TRPC4: variants seen among roughly 807,000 people sequenced by gnomAD.
The protein encoded by TRPC4 is short transient receptor potential channel 4.
Under a neutral mutation model 99.4 loss-of-function variants are expected in TRPC4, and 49 were observed. That is an observed-to-expected ratio of 0.49 (90% confidence interval 0.39 to 0.63). The LOEUF (loss-of-function observed/expected upper bound fraction) is 0.63, where lower values mean the gene tolerates loss of function less well. TRPC4 is among the 20% of genes least tolerant of loss of function. The pLI, the probability that TRPC4 is intolerant of heterozygous loss-of-function variation, is 0.00. For synonymous variants in TRPC4, 454 were observed against 425.9 expected, an observed-to-expected ratio of 1.07 and a Z score of -0.81; for missense variants, 898 against 1,152.9, an observed-to-expected ratio of 0.78 and a Z score of 3.20.
intron 4 of TRPC4, among the ~76,000 whole-genome samples, chr13:37,680,559 G>A (rs1953203541): frequency 1.3e-5 from 2 of 152,160 alleles, no homozygotes; most frequent in South Asian, 4.1e-4. Context: ...CATCACAATC[G>A]CTGCCATGAG....
At chr13:37,663,879 G>T in intron 5 of TRPC4, 150 bp from the exon 6 acceptor site, 1 of 668,732 alleles carries the variant, frequency 1.5e-6, no homozygotes, top group Non-Finnish European at 2.5e-6. Flanking sequence ...CAATTCTAGA[G>T]GAACACATGT....
intron 3 of TRPC4, among the ~76,000 whole-genome samples, chr13:37,737,038 C>A (rs926553048): frequency 1.3e-5 from 2 of 151,554 alleles, no homozygotes; most frequent in African/African-American, 4.8e-5. Context: ...CAGCCAACTT[C>A]TTTTTGATAT....
chr13:37,822,459 C>G (rs976964680), intron 1 of TRPC4, among the ~76,000 whole-genome samples: 3 of 146,852 alleles, frequency 2.0e-5, no homozygotes, highest in Non-Finnish European at 3.0e-5. Context: ...TGTGATGTTC[C>G]CCCTCCTGTG....
chr13:37,845,133 G>T (rs1373463883), intron 1 of TRPC4, among the ~76,000 whole-genome samples: 1 of 152,112 alleles, frequency 6.6e-6, no homozygotes, highest in Non-Finnish European at 1.5e-5. Flanking sequence ...CCAACCTTAA[G>T]GTCTGTTTGG....
chr13:37,676,063 C>T (rs999587831), intron 4 of TRPC4, among the ~76,000 whole-genome samples: 1 of 152,114 alleles, frequency 6.6e-6, no homozygotes, highest in Non-Finnish European at 1.5e-5. Flanking sequence ...TGCCTCAAAC[C>T]TCTACACTAA....
chr13:37,711,491 T>C (rs1954483456), intron 3 of TRPC4, among the ~76,000 whole-genome samples: 2 of 151,986 alleles, frequency 1.3e-5, no homozygotes, highest in South Asian at 2.1e-4. Context: ...CTGAATTCTG[T>C]TACATTTAAA....
intron 2 of TRPC4, among the ~76,000 whole-genome samples, chr13:37,769,605 T>G (rs1956491967): frequency 6.6e-6 from 1 of 151,496 alleles, no homozygotes; most frequent in African/African-American, 2.4e-5. Flanking sequence ...TTTTCCTGAC[T>G]TTTAGACAAC....
intron 1 of TRPC4, among the ~76,000 whole-genome samples, chr13:37,825,800 A>G (rs1958186974): frequency 6.6e-6 from 1 of 151,842 alleles, no homozygotes; most frequent in African/African-American, 2.4e-5. Flanking sequence ...CACTTGGTGC[A>G]GAGCTGAGTT....
intron 3 of TRPC4, among the ~76,000 whole-genome samples, chr13:37,724,308 T>C (rs1457689037): frequency 6.6e-6 from 1 of 152,170 alleles, no homozygotes; most frequent in Non-Finnish European, 1.5e-5. Flanking sequence ...TGCAGATATC[T>C]GGTTTTGGAG....
intron 6 of TRPC4, among the ~76,000 whole-genome samples, chr13:37,658,046 GC>G (rs1346628247): frequency 6.6e-6 from 1 of 152,146 alleles, no homozygotes; most frequent in Non-Finnish European, 1.5e-5. Context: ...ACATTTCAAA[GC>G]CACTGCTTTC....
intron 4 of TRPC4, among the ~76,000 whole-genome samples, chr13:37,681,855 G>A (rs1593500781): frequency 6.6e-6 from 1 of 152,222 alleles, no homozygotes; most frequent in South Asian, 2.1e-4. Flanking sequence ...TGTCAAGACT[G>A]TGGGGACCAA....
At chr13:37,787,919 A>T (rs1182553072) in intron 1 of TRPC4, among the ~76,000 whole-genome samples, 1 of 152,030 alleles carries the variant, frequency 6.6e-6, no homozygotes, top group Non-Finnish European at 1.5e-5. Context: ...TTATTTTCTC[A>T]TCTTCTTTGC....
At chr13:37,678,941 G>C (rs188996792) in intron 4 of TRPC4, among the ~76,000 whole-genome samples, 2 of 151,980 alleles carry the variant, frequency 1.3e-5, no homozygotes, top group East Asian at 3.8e-4. Flanking sequence ...AAATCAATCA[G>C]CATAATTTAT....
intron 2 of TRPC4, among the ~76,000 whole-genome samples, chr13:37,747,424 C>A (rs1955818135): frequency 6.6e-6 from 1 of 152,034 alleles, no homozygotes; most frequent in South Asian, 2.1e-4. Context: ...TGCTTTAGCA[C>A]TTTTAGTTTA....
intron 1 of TRPC4, among the ~76,000 whole-genome samples, chr13:37,856,409 C>G (rs1239938952): frequency 7.2e-6 from 1 of 139,796 alleles, no homozygotes; most frequent in African/African-American, 2.6e-5. Context: ...AAAAAAAAAG[C>G]CCAGGATCTG....
intron 2 of TRPC4, among the ~76,000 whole-genome samples, chr13:37,774,864 T>G (rs148572695): frequency 6.6e-6 from 1 of 151,784 alleles, no homozygotes; most frequent in Non-Finnish European, 1.5e-5. Flanking sequence ...AATCATAATA[T>G]GTATTTTCAT....
intron 1 of TRPC4, among the ~76,000 whole-genome samples, chr13:37,820,458 C>T (rs978991275): frequency 1.3e-5 from 2 of 151,960 alleles, no homozygotes; most frequent in African/African-American, 4.8e-5. Flanking sequence ...ATCCTCCTGA[C>T]ACCCAAACCT....
rs1402655351 is a variant in TRPC4 at position 37,782,884 on chromosome 13, AAAAG to A, written c.378+68_378+71del. On this transcript the variant is annotated intron_variant, in intron 2 of 10. Coordinates refer to ENST00000379705, the MANE Select transcript of TRPC4 (RefSeq NM_016179.4). ...GGGCATTTGAAAATCTAAAAAAAAA[AAAAG>A]AAAGAAAAGAAAAAACAAAAAACCT... 655 of 1,297,768 alleles carry A rather than the reference AAAAG, an allele frequency of 5.0e-4. 2 individuals carry two copies. The highest frequency in any genetic ancestry group is 7.7e-4 in the South Asian group (39 of 50,492). 80.4% of individuals were successfully genotyped at this position (1,297,768 alleles called of 1,614,324 possible).
intron 2 of TRPC4, among the ~76,000 whole-genome samples, chr13:37,749,855 A>C (rs1325651128): frequency 6.6e-6 from 1 of 152,162 alleles, no homozygotes; most frequent in African/African-American, 2.4e-5. Context: ...TTAAAGTATA[A>C]CATACATATA....
Sources: gnomAD v4.1 joint callset for allele counts (sites outside exome capture counted in the v4.1 genomes callset) on GRCh38, gnomAD v4.1.1 for gene constraint, MANE v1.5 for transcripts, NCBI Gene and HGNC (gene_info 2026-07-23, HGNC 2026-07-21) for gene names.